The following RGS5 variants were observed in gnomAD, a reference collection of about 807,000 sequenced individuals.
The protein encoded by RGS5 is regulator of G protein signaling 5.
In RGS5, 20 loss-of-function variants were observed where a neutral mutation model predicts 18.9. The observed-to-expected ratio is 1.06, with a 90% CI of 0.74 to 1.54. RGS5 has a LOEUF of 1.54. Ranked by LOEUF, RGS5 falls within the 40% of genes most tolerant of loss-of-function variation. The pLI is 0.00. For synonymous variants in RGS5, 57 were observed against 76.2 expected (o/e 0.75, Z 1.31); for missense variants, 201 against 211.8 (o/e 0.95, Z 0.32).
intron 2 of RGS5, among the ~76,000 whole-genome samples, chr1:163,277,878 T>C (rs866437380): frequency 1.2e-4 from 19 of 152,090 alleles, no homozygotes; most frequent in Middle Eastern, 3.4e-3. Flanking sequence ...ATGAATGAAA[T>C]TAAAAATATA....
chr1:163,181,856 C>T (rs1658863042), intron 1 of RGS5, among the ~76,000 whole-genome samples: 3 of 152,104 alleles, frequency 2.0e-5, no homozygotes, highest in Non-Finnish European at 4.4e-5. Flanking sequence ...GGTTTATATT[C>T]CAACTCTTAC....
intron 2 of RGS5, among the ~76,000 whole-genome samples, chr1:163,165,737 C>G (rs923811894): frequency 6.6e-6 from 1 of 151,926 alleles, no homozygotes; most frequent in Non-Finnish European, 1.5e-5. Context: ...GAAACCCTGT[C>G]TCTACTAAAA....
chr1:163,220,969 A>T (rs1431242421), upstream of RGS5, among the ~76,000 whole-genome samples: 1 of 152,222 alleles, frequency 6.6e-6, no homozygotes. Flanking sequence ...CCCTGTTGTG[A>T]CATTCACTTT....
In RGS5 at chr1:163,318,289, T is replaced by C. The variant is rs890807412; in HGVS notation, c.-378+3333A>G. Among the ~76,000 whole-genome samples the C allele has an allele frequency of 2.0e-5, 3 of 151,758 alleles. No homozygotes were observed. The South Asian group carries it at 6.3e-4, about 32-fold the overall frequency. ...GACCCTAGCACACCAGGCCATGGAG[T>C]TGGACTATCTTGAAGGTGACTGCAG... On this transcript the variant is annotated intron_variant, in intron 1 of 5. Coordinates refer to the RGS5 transcript ENST00000618415.
At chr1:163,230,614 A>G (rs1647455357) in intron 2 of RGS5, among the ~76,000 whole-genome samples, 1 of 152,236 alleles carries the variant, frequency 6.6e-6, no homozygotes, top group African/African-American at 2.4e-5. Context: ...TTTTAAAAGC[A>G]GTCTAAAGTT....
At chr1:163,298,930 A>T (rs1177187495) in intron 2 of RGS5, among the ~76,000 whole-genome samples, 1 of 152,196 alleles carries the variant, frequency 6.6e-6, no homozygotes, top group Non-Finnish European at 1.5e-5. Context: ...TGCTGGAAAT[A>T]AAATAAAATC....
intron 2 of RGS5, among the ~76,000 whole-genome samples, chr1:163,251,967 C>A (rs138175144): frequency 2.0e-5 from 3 of 152,272 alleles, no homozygotes; most frequent in Non-Finnish European, 4.4e-5. Flanking sequence ...TATGAATATT[C>A]ATATACATGT....
At chr1:163,153,192 T>C (rs1657446027) in intron 3 of RGS5, among the ~76,000 whole-genome samples, 1 of 152,198 alleles carries the variant, frequency 6.6e-6, no homozygotes, top group Non-Finnish European at 1.5e-5. Context: ...TTTCTCTTTG[T>C]ACAGATGATT....
At chr1:163,243,946 C>T (rs970075040) in intron 2 of RGS5, among the ~76,000 whole-genome samples, 1 of 151,976 alleles carries the variant, frequency 6.6e-6, no homozygotes, top group African/African-American at 2.4e-5. Flanking sequence ...TGTAACTTTG[C>T]TTAAGATAAT....
chr1:163,160,902 T>G (rs1657771937), intron 3 of RGS5, among the ~76,000 whole-genome samples: 1 of 152,230 alleles, frequency 6.6e-6, no homozygotes, highest in South Asian at 2.1e-4. Context: ...ACTTCCTGTT[T>G]TGAAATTATC....
intron 1 of RGS5, among the ~76,000 whole-genome samples, chr1:163,192,275 C>T (rs997361393): frequency 6.6e-6 from 1 of 152,104 alleles, no homozygotes; most frequent in African/African-American, 2.4e-5. Flanking sequence ...AGCCCTTAAC[C>T]TATGGGATAT....
intron 2 of RGS5, among the ~76,000 whole-genome samples, chr1:163,281,302 T>C (rs1648984770): frequency 6.6e-6 from 1 of 152,108 alleles, no homozygotes; most frequent in Admixed American, 6.6e-5. Flanking sequence ...CATTGGGTAA[T>C]TTATAAAGAA....
At chr1:163,187,124 C>T (rs1186245296) in intron 1 of RGS5, among the ~76,000 whole-genome samples, 1 of 152,134 alleles carries the variant, frequency 6.6e-6, no homozygotes, top group Non-Finnish European at 1.5e-5. Flanking sequence ...CACATTTCAG[C>T]ATAATTACAA....
chr1:163,259,448 G>C (rs1384099485), intron 2 of RGS5, among the ~76,000 whole-genome samples: 1 of 152,086 alleles, frequency 6.6e-6, no homozygotes, highest in East Asian at 1.9e-4. Flanking sequence ...ACAGGCGTGA[G>C]CCACCACGCC....
chr1:163,265,908 T>C (rs1648562366), intron 2 of RGS5, among the ~76,000 whole-genome samples: 1 of 152,192 alleles, frequency 6.6e-6, no homozygotes, highest in African/African-American at 2.4e-5. Context: ...CACTCACTTA[T>C]TTTTATTCTT....
intron 2 of RGS5, among the ~76,000 whole-genome samples, chr1:163,283,343 C>T (rs948811817): frequency 7.2e-5 from 11 of 152,160 alleles, no homozygotes; most frequent in Non-Finnish European, 1.2e-4. Context: ...GATAAATATA[C>T]TAATTATCCT....
upstream of RGS5, among the ~76,000 whole-genome samples, chr1:163,204,237 C>T (rs1021690400): frequency 1.3e-5 from 2 of 151,858 alleles, no homozygotes; most frequent in African/African-American, 4.8e-5. Context: ...TAAGTGTGCA[C>T]AGGGTCATCA....
At chr1:163,180,929 C>T (rs766877172) in intron 1 of RGS5, among the ~76,000 whole-genome samples, 6 of 151,888 alleles carry the variant, frequency 4.0e-5, no homozygotes, top group African/African-American at 9.7e-5. Flanking sequence ...ATCCCGACCT[C>T]GTGATCCTCC....
chr1:163,312,065 G>C (rs1446944712), intron 1 of RGS5, among the ~76,000 whole-genome samples: 4 of 152,182 alleles, frequency 2.6e-5, no homozygotes, highest in African/African-American at 7.2e-5. Context: ...CGGGTGTTGA[G>C]GGAGGGACCT....
Sources: allele counts gnomAD v4.1 joint callset (sites outside exome capture counted in the v4.1 genomes callset), GRCh38; gene constraint gnomAD v4.1.1; transcripts MANE v1.5; gene names NCBI Gene and HGNC (gene_info 2026-07-23, HGNC 2026-07-21).